Variants in RERE observed in about 807,000 individuals in gnomAD.
RERE encodes arginine-glutamic acid dipeptide repeats.
In RERE, 40 loss-of-function variants were observed where a neutral mutation model predicts 146.1. The observed-to-expected ratio is 0.27, with a 90% CI of 0.21 to 0.36. The LOEUF (loss-of-function observed/expected upper bound fraction) is 0.36. Among genes scored for constraint, RERE ranks in the 10% least tolerant of loss-of-function variants. RERE has a pLI of 1.00. For missense variants in RERE, 1,933 were observed against 2,138.7 expected, an observed-to-expected ratio of 0.90 and a Z score of 1.90; for synonymous variants, 1,003 against 866.0, an observed-to-expected ratio of 1.16 and a Z score of -2.78.
chr1:8,554,082 T>C (rs907692129), intron 6 of RERE, among the ~76,000 whole-genome samples: 2 of 151,846 alleles, frequency 1.3e-5, no homozygotes, highest in African/African-American at 4.8e-5. Context: ...GAGACTGAGG[T>C]AGGAGAATGA....
At chr1:8,533,064 A>G (rs1447175302) in intron 7 of RERE, among the ~76,000 whole-genome samples, 2 of 152,146 alleles carry the variant, frequency 1.3e-5, no homozygotes, top group Admixed American at 1.3e-4. Context: ...TAATGAGATT[A>G]AAAAAATTAT....
chr1:8,464,264 T>A (rs561749077), intron 11 of RERE, among the ~76,000 whole-genome samples: 2 of 152,292 alleles, frequency 1.3e-5, no homozygotes, highest in South Asian at 2.1e-4. Flanking sequence ...TTTCAGTGCA[T>A]CTCAGCTCCG....
At chr1:8,374,780 G>A (rs532071334) in intron 12 of RERE, among the ~76,000 whole-genome samples, 61 of 152,164 alleles carry the variant, frequency 4.0e-4, no homozygotes, top group Middle Eastern at 3.4e-3. Context: ...ATATTCCCCC[G>A]CCTCACGGCC....
intron 4 of RERE, among the ~76,000 whole-genome samples, chr1:8,591,570 T>C (rs1178748293): frequency 6.6e-6 from 1 of 152,028 alleles, no homozygotes; most frequent in Non-Finnish European, 1.5e-5. Context: ...ACAATCCAAA[T>C]CCAGTTAGTG....
At chr1:8,427,958 T>G (rs17032556) in intron 11 of RERE, among the ~76,000 whole-genome samples, 4,073 of 152,314 alleles carry the variant, frequency 0.027, 191 homozygotes, top group African/African-American at 0.094. Flanking sequence ...TATTGACTTA[T>G]AAATCAACAG....
intron 7 of RERE, among the ~76,000 whole-genome samples, chr1:8,537,697 T>C (rs1015280432): frequency 3.3e-5 from 5 of 152,120 alleles, no homozygotes; most frequent in Non-Finnish European, 7.4e-5. Flanking sequence ...TACCAAGAAA[T>C]CCATTCTTCC....
At chr1:8,750,150 CAAA>C (rs3045405) in intron 1 of RERE, among the ~76,000 whole-genome samples, 2 of 96,518 alleles carry the variant, frequency 2.1e-5, no homozygotes, top group South Asian at 3.9e-4. Flanking sequence ...GCCTCTGTCT[CAAA>C]AAAAAAAAAA....
At chr1:8,455,001 C>T (rs567707358) in intron 11 of RERE, among the ~76,000 whole-genome samples, 265 of 152,116 alleles carry the variant, frequency 1.7e-3, no homozygotes, top group African/African-American at 6.2e-3. Flanking sequence ...TGCCCACCAA[C>T]CCACCCCAAA....
chr1:8,562,835 G>A (rs865890500), intron 4 of RERE, among the ~76,000 whole-genome samples: 6 of 152,168 alleles, frequency 3.9e-5, no homozygotes, highest in South Asian at 2.1e-4. Context: ...TCGATTTAAG[G>A]AGATTAATAG....
intron 4 of RERE, among the ~76,000 whole-genome samples, chr1:8,601,797 ATCT>A (rs1646635138): frequency 6.6e-6 from 1 of 151,692 alleles, no homozygotes; most frequent in South Asian, 2.1e-4. Flanking sequence ...ACAGACACAC[ATCT>A]TCTATTAGAG....
At chr1:8,793,226 T>A (rs926585673) in intron 1 of RERE, among the ~76,000 whole-genome samples, 1 of 149,980 alleles carries the variant, frequency 6.7e-6, no homozygotes, top group African/African-American at 2.5e-5. Flanking sequence ...GAGCCTAAAC[T>A]GAATGATTCT....
At chr1:8,481,447 G>A (rs896270518) in intron 10 of RERE, among the ~76,000 whole-genome samples, 3 of 152,072 alleles carry the variant, frequency 2.0e-5, no homozygotes, top group African/African-American at 7.2e-5. Context: ...GGCGCTATAA[G>A]GTACTGGCCT....
chr1:8,579,229 A>C lies in RERE; in HGVS notation c.523-21706T>G, dbSNP rs1339420827. Among the ~76,000 whole-genome samples the C allele has an allele frequency of 2.0e-5, 3 of 151,310 alleles. 1 individual carries two copies. Among genetic ancestry groups the C allele is most frequent in the African/African-American group, 7.3e-5 (3 of 41,022 alleles). ...TACTACCATCACATGATGATCTTTAAAACAAGAATCAAGAAAACGTTCCTA... is the reference window on the plus strand; with the variant it reads ...TACTACCATCACATGATGATCTTTACAACAAGAATCAAGAAAACGTTCCTA... On this transcript the variant is annotated intron_variant, in intron 4 of 22. Coordinates refer to ENST00000400908, the MANE Select transcript of RERE (RefSeq NM_001042681.2).
chr1:8,694,217 A>G, intron 1 of RERE, among the ~76,000 whole-genome samples: 1 of 152,200 alleles, frequency 6.6e-6, no homozygotes. Context: ...ATGATTCTAT[A>G]CCTAGAAAAC....
chr1:8,520,102 T>C (rs1645471600), intron 7 of RERE, among the ~76,000 whole-genome samples: 1 of 151,990 alleles, frequency 6.6e-6, no homozygotes, highest in African/African-American at 2.4e-5. Flanking sequence ...AACAAAGAGA[T>C]TTAGTCAACT....
At chr1:8,718,066 A>G (rs1206375035) in intron 1 of RERE, among the ~76,000 whole-genome samples, 1 of 152,250 alleles carries the variant, frequency 6.6e-6, no homozygotes, top group Non-Finnish European at 1.5e-5. Context: ...ACACAAGACC[A>G]TAAGTGCATG....
At chr1:8,437,370 G>A (rs559971677) in intron 11 of RERE, among the ~76,000 whole-genome samples, 3 of 152,220 alleles carry the variant, frequency 2.0e-5, no homozygotes, top group Non-Finnish European at 4.4e-5. Context: ...GGTGGAGGAA[G>A]CATTTCAATG....
rs897567074 is a variant in RERE, at chr1:8,356,401, A to G, written c.4340-155T>C. ...CCTGGCTACAGGTGGCCCTGCCCCA[A>G]AGTGGCTGCCTCCACCTTCAGCAAG... On this transcript the variant is annotated intron_variant, in intron 20 of 22. Transcript: ENST00000400908. This position sits in a 1 kb window ranked among gnomAD's most constrained non-coding sequence, Gnocchi z 5.2. Among the ~76,000 whole-genome samples, 13 of 152,092 alleles carry G rather than the reference A, an allele frequency of 8.5e-5. No individual in the cohort carries two copies. Among genetic ancestry groups the G allele is most frequent in the African/African-American group, 2.4e-4 (10 of 41,418 alleles).
chr1:8,507,737 C>CTTTT (rs58647657), intron 8 of RERE, among the ~76,000 whole-genome samples: 5 of 85,944 alleles, frequency 5.8e-5, no homozygotes, highest in South Asian at 3.9e-4. Flanking sequence ...CATCTTTTAT[C>CTTTT]TTTTTTTTTT....
Sources: gnomAD v4.1 joint callset for allele counts (sites outside exome capture counted in the v4.1 genomes callset) on GRCh38, gnomAD v4.1.1 for gene constraint, Gnocchi (gnomAD v3.1) non-coding constraint, MANE v1.5 for transcripts, NCBI Gene and HGNC (gene_info 2026-07-23, HGNC 2026-07-21) for gene names.